Variants in PTPRD observed in about 807,000 individuals in gnomAD.
The protein encoded by PTPRD is protein tyrosine phosphatase receptor type D, also known as receptor-type tyrosine-protein phosphatase delta.
A neutral mutation model predicts 214.5 loss-of-function variants in PTPRD; 34 were observed. That is an observed-to-expected ratio of 0.16 (90% CI 0.12 to 0.21). The LOEUF (loss-of-function observed/expected upper bound fraction) is 0.21, where lower values mean the gene tolerates loss of function less well. Among genes scored for constraint, PTPRD ranks in the 10% least tolerant of loss-of-function variants. PTPRD has a pLI of 1.00. For synonymous variants in PTPRD, 1,128 were observed against 845.7 expected (o/e 1.33, Z -5.79); for missense variants, 2,545 against 2,398.7 (o/e 1.06, Z -1.27).
At chr9:9,416,483 CAG>C (rs2142184360) in intron 8 of PTPRD, among the ~76,000 whole-genome samples, 1 of 152,274 alleles carries the variant, frequency 6.6e-6, no homozygotes. Flanking sequence ...GCCTTGTGAA[CAG>C]AGCGTGCTCG....
At chr9:10,158,978 T>G (rs2099110741) in intron 3 of PTPRD, among the ~76,000 whole-genome samples, 3 of 152,148 alleles carry the variant, frequency 2.0e-5, no homozygotes, top group Non-Finnish European at 4.4e-5. Context: ...TCAGAGTGGC[T>G]GTTCAGCAGC....
chr9:10,337,694 T>C (rs578006762), intron 3 of PTPRD, among the ~76,000 whole-genome samples: 1 of 151,870 alleles, frequency 6.6e-6, no homozygotes, highest in Non-Finnish European at 1.5e-5. Flanking sequence ...TACTTATGTG[T>C]CAGGAACTTT....
chr9:8,485,599 T>A, intron 28 of PTPRD, 163 bp downstream of exon 28: 1 of 697,504 alleles, frequency 1.4e-6, no homozygotes, highest in Non-Finnish European at 2.3e-6. Flanking sequence ...ATAACTGAAA[T>A]CTAAGGCATC....
intron 30 of PTPRD, among the ~76,000 whole-genome samples, chr9:8,477,948 A>ACT (rs1476768101): frequency 6.6e-6 from 1 of 152,228 alleles, no homozygotes; most frequent in African/African-American, 2.4e-5. Flanking sequence ...GGGGCAAGTC[A>ACT]CTGTATGTTG....
chr9:9,043,915 A>G (rs972944775), intron 10 of PTPRD, among the ~76,000 whole-genome samples: 4 of 62,190 alleles, frequency 6.4e-5, no homozygotes, highest in Non-Finnish European at 1.4e-4. Context: ...AAAATAAAAT[A>G]AAATAAAATA....
intron 28 of PTPRD, chr9:8,485,543 A>G: frequency 1.6e-6 from 1 of 624,018 alleles, no homozygotes; most frequent in Non-Finnish European, 2.8e-6. Flanking sequence ...TGTTTTCCTT[A>G]CCTGAGGACA....
At chr9:10,518,024 C>G (rs1282335732) in intron 2 of PTPRD, among the ~76,000 whole-genome samples, 1 of 152,040 alleles carries the variant, frequency 6.6e-6, no homozygotes, top group Non-Finnish European at 1.5e-5. Flanking sequence ...GGTATAAATT[C>G]TATAACCACT....
intron 4 of PTPRD, among the ~76,000 whole-genome samples, chr9:9,947,387 A>G (rs2092776771): frequency 2.0e-5 from 1 of 49,948 alleles, no homozygotes; most frequent in African/African-American, 8.6e-5. Flanking sequence ...TATATATTTT[A>G]TATACATATT....
intron 6 of PTPRD, among the ~76,000 whole-genome samples, chr9:9,762,262 C>T (rs1475624347): frequency 6.6e-6 from 1 of 152,210 alleles, no homozygotes; most frequent in Non-Finnish European, 1.5e-5. Flanking sequence ...AACAGTCTTT[C>T]TTCACTTTGT....
chr9:9,385,323 C>T (rs1458254144), intron 9 of PTPRD, among the ~76,000 whole-genome samples: 2 of 151,958 alleles, frequency 1.3e-5, no homozygotes, highest in African/African-American at 4.8e-5. Context: ...ATTTTTCTTC[C>T]GTATGATCAA....
At chr9:8,613,910 G>C (rs1350828622) in intron 14 of PTPRD, among the ~76,000 whole-genome samples, 1 of 150,988 alleles carries the variant, frequency 6.6e-6, no homozygotes, top group East Asian at 1.9e-4. Context: ...TGTCATTTTA[G>C]AACTAGCTCT....
Position 9,833,074 on chromosome 9 carries a change from A to G in PTPRD, c.-367-66223T>C, listed in dbSNP as rs2055455930. The stretch of plus-strand genomic sequence containing the variant: ...CTCTAATAATACCTGACAAACATAG[A>G]ACCTCTGTAATGAAGAGAAGGGGCA... On this transcript the variant is annotated intron_variant, in intron 5 of 45. Transcript: ENST00000381196. Among the ~76,000 whole-genome samples the G allele has an allele frequency of 3.3e-5, 5 of 152,106 alleles. No individual in the cohort carries two copies. The South Asian group carries it at 1.0e-3, about 32-fold the overall frequency.
At position 8,823,554 on chromosome 9, in the gene PTPRD, G is replaced by A. The variant is rs561215205; in HGVS notation, c.-103-89608C>T. ...AAGTCCCAGCAGCTCGAGAGGCTAA[G>A]GCGGGAAGATCACCTGGGCCAGGGA... On this transcript the variant is annotated intron_variant, in intron 11 of 45. Transcript: ENST00000381196. 5.9e-5 allele frequency among the ~76,000 whole-genome samples: 9 copies of A among 152,222 alleles called. 1 individual carries two copies. The highest frequency in any genetic ancestry group is 3.3e-4 in the Admixed American group (5 of 15,284).
chr9:9,555,134 T>G (rs576096075), intron 8 of PTPRD, among the ~76,000 whole-genome samples: 1 of 152,096 alleles, frequency 6.6e-6, no homozygotes, highest in African/African-American at 2.4e-5. Context: ...TAGAAGACTG[T>G]GTTTGTAATA....
chr9:9,144,249 G>A (rs1416228642), intron 10 of PTPRD, among the ~76,000 whole-genome samples: 1 of 152,142 alleles, frequency 6.6e-6, no homozygotes, highest in East Asian at 1.9e-4. Flanking sequence ...CATTTACAAG[G>A]CCCTGCATTC....
At chr9:9,976,088 G>C (rs1181651035) in intron 4 of PTPRD, among the ~76,000 whole-genome samples, 3 of 152,060 alleles carry the variant, frequency 2.0e-5, no homozygotes, top group African/African-American at 7.2e-5. Flanking sequence ...ATGAAACATA[G>C]GAACCATTCA....
chr9:10,251,397 TTC>T (rs1324485914), intron 3 of PTPRD, among the ~76,000 whole-genome samples: 4 of 94,464 alleles, frequency 4.2e-5, no homozygotes, highest in Non-Finnish European at 1.1e-4. Flanking sequence ...ACTCTTTCCA[TTC>T]TTTTTTTTTT....
chr9:9,929,382 G>T (rs10978095), intron 5 of PTPRD, among the ~76,000 whole-genome samples: 1 of 152,066 alleles, frequency 6.6e-6, no homozygotes, highest in Non-Finnish European at 1.5e-5. Context: ...ATAATGGGGA[G>T]GGCCAGAAGA....
intron 3 of PTPRD, among the ~76,000 whole-genome samples, chr9:10,222,686 G>A (rs554388688): frequency 6.6e-6 from 1 of 152,118 alleles, no homozygotes; most frequent in South Asian, 2.1e-4. Context: ...GTGGCTCATC[G>A]AGGTAAATAC....
Sources: allele counts gnomAD v4.1 joint callset (sites outside exome capture counted in the v4.1 genomes callset), GRCh38; gene constraint gnomAD v4.1.1; transcripts MANE v1.5; gene names NCBI Gene and HGNC (gene_info 2026-07-23, HGNC 2026-07-21).